The following GPR39 variants were observed in gnomAD, a reference collection of about 807,000 sequenced individuals.
The protein encoded by GPR39 is G protein-coupled receptor 39.
GPR39 carries 23 observed loss-of-function variants against 18.4 expected under a neutral mutation model. That is an observed-to-expected ratio of 1.25 (90% CI 0.90 to 1.77). GPR39 has a LOEUF of 1.77. Among genes scored for constraint, GPR39 ranks in the 40% most tolerant of loss-of-function variants. GPR39 has a pLI of 0.00. For missense variants in GPR39, 647 were observed against 602.4 expected, an observed-to-expected ratio of 1.07 and a Z score of -0.78; for synonymous variants, 280 against 257.9, an observed-to-expected ratio of 1.09 and a Z score of -0.82.
At chr2:132,484,651 G>A (rs1319411964) in intron 1 of GPR39, among the ~76,000 whole-genome samples, 1 of 152,196 alleles carries the variant, frequency 6.6e-6, no homozygotes, top group African/African-American at 2.4e-5. Flanking sequence ...GTAGGAATAA[G>A]CCTCAGGGGA....
chr2:132,628,441 AGAG>A (rs1681590881), intron 1 of GPR39, among the ~76,000 whole-genome samples: 1 of 152,184 alleles, frequency 6.6e-6, no homozygotes, highest in Admixed American at 6.5e-5. Flanking sequence ...CTGGCAGGAG[AGAG>A]GAGGAGTCCT....
chr2:132,530,382 G>A (rs1314159610), intron 1 of GPR39, among the ~76,000 whole-genome samples: 1 of 152,250 alleles, frequency 6.6e-6, no homozygotes, highest in Non-Finnish European at 1.5e-5. Flanking sequence ...CATCAGATTG[G>A]TGTACCTGAA....
At chr2:132,621,922 G>A (rs546444448) in intron 1 of GPR39, among the ~76,000 whole-genome samples, 82 of 152,214 alleles carry the variant, frequency 5.4e-4, no homozygotes, top group African/African-American at 1.9e-3. Flanking sequence ...GGGGTGTGGG[G>A]CATTAGAGAG....
At chr2:132,512,047 C>T (rs1046190427) in intron 1 of GPR39, among the ~76,000 whole-genome samples, 1 of 152,188 alleles carries the variant, frequency 6.6e-6, no homozygotes, top group Non-Finnish European at 1.5e-5. Context: ...AGAAGCTGAT[C>T]CTGTGTTCAC....
intron 1 of GPR39, among the ~76,000 whole-genome samples, chr2:132,559,183 A>C (rs962967554): frequency 2.0e-5 from 3 of 152,200 alleles, no homozygotes; most frequent in African/African-American, 7.2e-5. Flanking sequence ...CTTTGTAGCC[A>C]CTTAGGAAAA....
Position 132,646,390 on chromosome 2 carries a change from A to G in GPR39, c.*784A>G, listed in dbSNP as rs1682079831. ...CTCTTCCTTACTCCTCCCACAGCCCAGAGACTAGGTGAGGTCAGGGAAGTG... is the reference window on the plus strand; with the variant it reads ...CTCTTCCTTACTCCTCCCACAGCCCGGAGACTAGGTGAGGTCAGGGAAGTG... On this transcript the variant is annotated 3_prime_UTR_variant, in exon 2 of 2. Coordinates refer to ENST00000329321, the MANE Select transcript of GPR39 (RefSeq NM_001508.3). The G allele has an allele frequency of 1.6e-6, 1 of 633,094 alleles. No individual in the cohort carries two copies. The highest frequency in any genetic ancestry group is 2.5e-6 in the Non-Finnish European group (1 of 406,532). The allele number at this position is 633,094 out of a possible 1,614,324, so 39.2% of individuals were successfully genotyped here.
chr2:132,498,349 C>T (rs1389984682), intron 1 of GPR39, among the ~76,000 whole-genome samples: 12 of 152,150 alleles, frequency 7.9e-5, no homozygotes, highest in Non-Finnish European at 1.8e-4. Flanking sequence ...TTTTCCATTC[C>T]TGAGCCGCTT....
At chr2:132,584,057 T>C (rs1291348046) in intron 1 of GPR39, among the ~76,000 whole-genome samples, 1 of 151,768 alleles carries the variant, frequency 6.6e-6, no homozygotes, top group Non-Finnish European at 1.5e-5. Flanking sequence ...TTGCTGCAGG[T>C]AGGAAGTTTT....
intron 1 of GPR39, among the ~76,000 whole-genome samples, chr2:132,501,281 A>G (rs1375923202): frequency 2.0e-5 from 3 of 151,508 alleles, no homozygotes; most frequent in Non-Finnish European, 4.4e-5. Context: ...TTTTGTCATT[A>G]TTATTGTTCA....
intron 1 of GPR39, among the ~76,000 whole-genome samples, chr2:132,420,819 G>A (rs1435568911): frequency 6.6e-6 from 1 of 152,180 alleles, no homozygotes; most frequent in South Asian, 2.1e-4. Flanking sequence ...GATGTGCTGG[G>A]CTGGTGAATA....
intron 1 of GPR39, among the ~76,000 whole-genome samples, chr2:132,600,793 TA>T (rs1025076199): frequency 6.0e-4 from 89 of 148,686 alleles, no homozygotes; most frequent in African/African-American, 1.4e-3. Context: ...TGTTGTTGTT[TA>T]AAAAAAAAAA....
intron 1 of GPR39, among the ~76,000 whole-genome samples, chr2:132,513,431 C>T (rs1335823606): frequency 6.6e-6 from 1 of 151,198 alleles, no homozygotes; most frequent in African/African-American, 2.4e-5. Flanking sequence ...CCACTGCACT[C>T]CAGCCTGGGT....
At chr2:132,470,932 C>A (rs546110668) in intron 1 of GPR39, among the ~76,000 whole-genome samples, 82 of 152,170 alleles carry the variant, frequency 5.4e-4, no homozygotes, top group Non-Finnish European at 1.0e-3. Context: ...CTGTTTGCAA[C>A]CTCTGTGTGT....
In GPR39 at chr2:132,417,763, A is replaced by T. The variant is rs1354816976; in HGVS notation, c.721A>T (p.Met241Leu). Residue 241 changes from methionine to leucine, a missense_variant, in exon 1 of 2, where the codon ATG becomes TTG. Met to Leu is a conservative substitution (Grantham distance 15, BLOSUM62 2). Transcript: ENST00000329321. ...YLVVLLSVAF[M>L]CWNMMQVLMK... is the part of the protein sequence containing the mutation. ...CGTGGTCCTGCTCTCCGTAGCCTTC[A>T]TGTGCTGGAACATGATGCAGGTGCT... 6 of 1,614,140 alleles carry T rather than the reference A, an allele frequency of 3.7e-6. No individual in the cohort carries two copies. Among genetic ancestry groups the T allele is most frequent in the Non-Finnish European group, 5.1e-6 (6 of 1,180,034 alleles).
intron 1 of GPR39, among the ~76,000 whole-genome samples, chr2:132,555,513 G>A (rs1263459563): frequency 6.6e-6 from 1 of 152,154 alleles, no homozygotes; most frequent in Non-Finnish European, 1.5e-5. Context: ...TGGTGTCTCT[G>A]TTTTATTCTG....
chr2:132,594,994 G>C (rs1680910961), intron 1 of GPR39, among the ~76,000 whole-genome samples: 5 of 152,030 alleles, frequency 3.3e-5, no homozygotes, highest in Admixed American at 3.3e-4. Context: ...GAATTGATTT[G>C]TTGTTGTTGT....
rs190327883 is a variant in GPR39, at chr2:132,553,333, G to A, written c.857-91768G>A. On this transcript the variant is annotated intron_variant, in intron 1 of 1. Coordinates refer to ENST00000329321, the MANE Select transcript of GPR39 (RefSeq NM_001508.3). Reference sequence around the variant, plus strand: ...TATATATGTGTGTGTGTGTGTGTGTGTGTATGTATATGTGTATATATATAT... The same window carrying A: ...TATATATGTGTGTGTGTGTGTGTGTATGTATGTATATGTGTATATATATAT... Among the ~76,000 whole-genome samples the A allele has an allele frequency of 4.8e-3, 714 of 148,918 alleles. 2 individuals are homozygous for A. The highest frequency in any genetic ancestry group is 8.1e-3 in the Non-Finnish European group (546 of 67,562).
At chr2:132,493,408 C>T (rs1681555795) in intron 1 of GPR39, among the ~76,000 whole-genome samples, 1 of 145,998 alleles carries the variant, frequency 6.8e-6, no homozygotes, top group Admixed American at 6.9e-5. Context: ...CATATATATA[C>T]ACTATATATA....
rs372138505 is a variant in GPR39, at chr2:132,590,679, T to C, written c.857-54422T>C. 3.3e-5 allele frequency among the ~76,000 whole-genome samples: 5 copies of C among 151,796 alleles called. No homozygotes were observed. The East Asian group carries it at 7.8e-4, about 24-fold the overall frequency. On this transcript the variant is annotated intron_variant, in intron 1 of 1. Coordinates refer to ENST00000329321, the MANE Select transcript of GPR39 (RefSeq NM_001508.3). The stretch of plus-strand genomic sequence containing the variant: ...GGCACTCAAGCCTAAGCACTGTTCC[T>C]CATCCTTACTGTCAGCATGATGAGT...
Sources: gnomAD v4.1 joint callset for allele counts (sites outside exome capture counted in the v4.1 genomes callset) on GRCh38, gnomAD v4.1.1 for gene constraint, MANE v1.5 for transcripts, NCBI Gene and HGNC (gene_info 2026-07-23, HGNC 2026-07-21) for gene names.